CNTN1: variants seen among roughly 807,000 people sequenced by gnomAD.
CNTN1 encodes the protein contactin 1.
In CNTN1, 38 loss-of-function variants were observed where a neutral mutation model predicts 126.4. The observed-to-expected ratio is 0.30, with a 90% CI of 0.23 to 0.39. The LOEUF (loss-of-function observed/expected upper bound fraction) is 0.39, where lower values mean the gene tolerates loss of function less well. CNTN1 is among the 10% of genes least tolerant of loss of function. The pLI, the probability that CNTN1 is intolerant of heterozygous loss-of-function variation, is 1.00. For synonymous variants in CNTN1, 413 were observed against 422.6 expected, an observed-to-expected ratio of 0.98 and a Z score of 0.28; for missense variants, 1,009 against 1,248.4, an observed-to-expected ratio of 0.81 and a Z score of 2.89.
chr12:40,876,810 A>C (rs918520971), intron 1 of CNTN1, among the ~76,000 whole-genome samples: 1 of 151,946 alleles, frequency 6.6e-6, no homozygotes, highest in Non-Finnish European at 1.5e-5. Context: ...GACAAATACT[A>C]TTTTCCTTTT....
chr12:40,875,624 T>C (rs1431044074), intron 1 of CNTN1, among the ~76,000 whole-genome samples: 2 of 152,150 alleles, frequency 1.3e-5, no homozygotes, highest in Non-Finnish European at 2.9e-5. Context: ...TATACCCTTT[T>C]GGGATTGACC....
chr12:40,758,376 C>T (rs550109382), intron 1 of CNTN1, among the ~76,000 whole-genome samples: 12 of 151,218 alleles, frequency 7.9e-5, no homozygotes, highest in South Asian at 2.1e-4. Flanking sequence ...ATTTTAAATT[C>T]TGCAACCAGT....
chr12:40,921,948 A>G (rs543511094), intron 4 of CNTN1, among the ~76,000 whole-genome samples: 8 of 152,336 alleles, frequency 5.3e-5, no homozygotes, highest in South Asian at 2.1e-4. Flanking sequence ...ATGGCTATCA[A>G]TTACATCCCA....
intron 19 of CNTN1, 81 bp downstream of exon 19, chr12:41,016,997 A>G (rs1179529655): frequency 9.9e-6 from 12 of 1,209,010 alleles, no homozygotes; most frequent in Non-Finnish European, 1.5e-5. Context: ...GTTTCCTTTC[A>G]GGCCTTACTT....
chr12:40,870,997 C>T (rs1170076476), intron 1 of CNTN1, among the ~76,000 whole-genome samples: 4 of 151,956 alleles, frequency 2.6e-5, no homozygotes, highest in African/African-American at 9.7e-5. Context: ...GCTCTGTCTA[C>T]CTGGAGGAGA....
At chr12:41,028,254 A>C (rs1480187156) in intron 22 of CNTN1, among the ~76,000 whole-genome samples, 1 of 151,796 alleles carries the variant, frequency 6.6e-6, no homozygotes, top group African/African-American at 2.4e-5. Flanking sequence ...GTGGTCTCGA[A>C]CTCCTGACCC....
chr12:40,738,278 G>T (rs1295490054), intron 1 of CNTN1, among the ~76,000 whole-genome samples: 1 of 151,954 alleles, frequency 6.6e-6, no homozygotes, highest in Non-Finnish European at 1.5e-5. Context: ...TGCGGGAAAA[G>T]AAAACTATTC....
At chr12:40,823,120 CAT>C (rs1433508475) in intron 1 of CNTN1, among the ~76,000 whole-genome samples, 2 of 152,010 alleles carry the variant, frequency 1.3e-5, no homozygotes, top group Non-Finnish European at 2.9e-5. Context: ...ATTTTAGTAA[CAT>C]AATAACAAAT....
Position 40,933,568 on chromosome 12 carries a change from T to C in CNTN1, c.803+8T>C. On this transcript the variant is annotated splice_region_variant and intron_variant, in intron 8 of 23. Transcript: ENST00000551295. Reference sequence around the variant, plus strand: ...ATGTTTTGCACTTGGAAAGTAAGTATACTGACACTTTTATTAATATATATA... The same window carrying C: ...ATGTTTTGCACTTGGAAAGTAAGTACACTGACACTTTTATTAATATATATA... The C allele has an allele frequency of 6.3e-7, 1 of 1,575,144 alleles. No homozygotes were observed. Among genetic ancestry groups the C allele is most frequent in the Non-Finnish European group, 8.7e-7 (1 of 1,145,038 alleles).
chr12:40,881,670 A>G (rs1340471489), intron 1 of CNTN1, among the ~76,000 whole-genome samples: 1 of 151,900 alleles, frequency 6.6e-6, no homozygotes, highest in African/African-American at 2.4e-5. Context: ...GAAAATAGAT[A>G]AGGGCTTTGC....
At chr12:40,787,255 C>A (rs1202470088) in intron 1 of CNTN1, among the ~76,000 whole-genome samples, 1 of 152,086 alleles carries the variant, frequency 6.6e-6, no homozygotes, top group Non-Finnish European at 1.5e-5. Context: ...CATGGTCTCT[C>A]CTAAATGTTA....
chr12:40,856,716 G>C (rs1218856669), intron 1 of CNTN1, among the ~76,000 whole-genome samples: 1 of 152,128 alleles, frequency 6.6e-6, no homozygotes, highest in African/African-American at 2.4e-5. Flanking sequence ...AGGAAGATTT[G>C]CCAAAGTATG....
intron 1 of CNTN1, among the ~76,000 whole-genome samples, chr12:40,875,372 C>T (rs1302409382): frequency 6.6e-6 from 1 of 152,036 alleles, no homozygotes; most frequent in Non-Finnish European, 1.5e-5. Flanking sequence ...ATGATCCCTC[C>T]TGTTGCCCAT....
At position 40,959,005 on chromosome 12, in the gene CNTN1, T is replaced by G. The variant is rs144492997; in HGVS notation, c.1684-109T>G. 5.5e-4 allele frequency: 714 copies of G among 1,309,310 alleles called. 4 individuals carry two copies. The East Asian group carries it at 0.017, about 31-fold the overall frequency. The allele number at this position is 1,309,310 out of a possible 1,614,324, so 81.1% of individuals were successfully genotyped here. A position where few individuals can be genotyped will look rare whatever the true frequency, so the allele number is the denominator to read the frequency against. ...GAGTTAGCATGTCTAAAACACATTC[T>G]TTAAGTGGTGTTCATTTTGTTAGGG... On this transcript the variant is annotated intron_variant, in intron 14 of 23. Coordinates refer to ENST00000551295, the MANE Select transcript of CNTN1 (RefSeq NM_001843.4).
At chr12:40,850,268 A>G (rs1294135716) in intron 1 of CNTN1, among the ~76,000 whole-genome samples, 1 of 152,148 alleles carries the variant, frequency 6.6e-6, no homozygotes, top group East Asian at 1.9e-4. Flanking sequence ...ACATTTTTCT[A>G]AAGACTGTTA....
chr12:41,063,275 A>G lies in CNTN1; in HGVS notation c.2981-6684A>G, dbSNP rs186700816. Among the ~76,000 whole-genome samples, 504 of 152,342 alleles carry G rather than the reference A, an allele frequency of 3.3e-3. 3 individuals are homozygous for G. The highest frequency in any genetic ancestry group is 5.6e-3 in the Non-Finnish European group (383 of 68,030). On this transcript the variant is annotated intron_variant, in intron 23 of 23. Transcript: ENST00000551295. ...TGGGAAAATAGCTAAAAGCTGAGAA[A>G]GGCAAATTAGAGAGGTTTTAAATGA...
intron 15 of CNTN1, among the ~76,000 whole-genome samples, chr12:40,959,994 T>A (rs190223913): frequency 1.4e-4 from 21 of 152,264 alleles, no homozygotes; most frequent in Admixed American, 5.9e-4. Context: ...TCCATGTCAG[T>A]TGCTTTATTC....
intron 17 of CNTN1, among the ~76,000 whole-genome samples, chr12:41,013,662 T>C (rs1566143846): frequency 6.6e-6 from 1 of 152,166 alleles, no homozygotes; most frequent in Non-Finnish European, 1.5e-5. Context: ...ACAAAGGGTC[T>C]TTCTAGCAGG....
chr12:40,933,958 A>T, intron 9 of CNTN1, 80 bp downstream of exon 9: 3 of 1,048,202 alleles, frequency 2.9e-6, no homozygotes, highest in African/African-American at 3.2e-5. Context: ...AAACTACTAT[A>T]TAATGATTAA....
Sources: gnomAD v4.1 joint callset for allele counts (sites outside exome capture counted in the v4.1 genomes callset) on GRCh38, gnomAD v4.1.1 for gene constraint, MANE v1.5 for transcripts, NCBI Gene and HGNC (gene_info 2026-07-23, HGNC 2026-07-21) for gene names.